The following LRP1B variants were observed in gnomAD, a reference collection of about 807,000 sequenced individuals.
The protein encoded by LRP1B is LDL receptor related protein 1B.
LRP1B carries 217 observed loss-of-function variants against 556.6 expected under a neutral mutation model. That is an observed-to-expected ratio of 0.39 (90% CI 0.35 to 0.44). LRP1B has a LOEUF of 0.44. Among genes scored for constraint, LRP1B ranks in the 20% least tolerant of loss-of-function variants. The probability of loss-of-function intolerance (pLI) is 1.00; values close to 1 mark genes in which losing one functional copy is unlikely to be tolerated. For missense variants in LRP1B, 5,053 were observed against 5,620.8 expected, an observed-to-expected ratio of 0.90 and a Z score of 3.23; for synonymous variants, 2,047 against 1,865.8, an observed-to-expected ratio of 1.10 and a Z score of -2.50.
chr2:142,112,384 C>A (rs1218618109), intron 1 of LRP1B, among the ~76,000 whole-genome samples: 2 of 151,554 alleles, frequency 1.3e-5, no homozygotes, highest in Admixed American at 6.6e-5. Flanking sequence ...AAAAGAACAA[C>A]CAAATATAAT....
chr2:141,817,365 G>A (rs1352572372), intron 1 of LRP1B, among the ~76,000 whole-genome samples: 1 of 151,992 alleles, frequency 6.6e-6, no homozygotes, highest in Non-Finnish European at 1.5e-5. Flanking sequence ...CAAAAAACAT[G>A]AAAAGATTAG....
At chr2:141,258,771 C>T (rs1428027394) in intron 3 of LRP1B, among the ~76,000 whole-genome samples, 3 of 151,862 alleles carry the variant, frequency 2.0e-5, no homozygotes, top group Non-Finnish European at 4.4e-5. Flanking sequence ...GTAGAACTTG[C>T]CCCTTCACTC....
At chr2:141,674,407 T>G (rs1033632272) in intron 2 of LRP1B, among the ~76,000 whole-genome samples, 2 of 152,096 alleles carry the variant, frequency 1.3e-5, no homozygotes, top group African/African-American at 4.8e-5. Context: ...CCATCTCTTG[T>G]CTTCTTAAGA....
chr2:141,084,063 G>A (rs532367293), intron 7 of LRP1B, among the ~76,000 whole-genome samples: 69 of 152,024 alleles, frequency 4.5e-4, no homozygotes, highest in Non-Finnish European at 8.2e-4. Flanking sequence ...ACTTTTATAC[G>A]GTTGGTGTGA....
intron 2 of LRP1B, among the ~76,000 whole-genome samples, chr2:141,698,502 A>AAAT (rs1558812042): frequency 5.3e-5 from 8 of 151,462 alleles, no homozygotes; most frequent in Non-Finnish European, 8.8e-5. Flanking sequence ...TTAAAAAAAA[A>AAAT]AAAAAAGAGT....
At chr2:140,512,332 A>C (rs748538714) in intron 51 of LRP1B, among the ~76,000 whole-genome samples, 5 of 152,160 alleles carry the variant, frequency 3.3e-5, no homozygotes, top group Non-Finnish European at 4.4e-5. Context: ...CATCATAGTC[A>C]ATTGGGAAGA....
chr2:141,751,562 C>A (rs1407216403), intron 2 of LRP1B, among the ~76,000 whole-genome samples: 2 of 151,996 alleles, frequency 1.3e-5, no homozygotes, highest in African/African-American at 4.8e-5. Flanking sequence ...AACTAGTAAG[C>A]AGAGCAAACT....
At chr2:142,116,983 T>G (rs1294548663) in intron 1 of LRP1B, among the ~76,000 whole-genome samples, 1 of 152,300 alleles carries the variant, frequency 6.6e-6, no homozygotes, top group Non-Finnish European at 1.5e-5. Flanking sequence ...CCCTTTGCTG[T>G]GTTTTTCTTC....
intron 6 of LRP1B, among the ~76,000 whole-genome samples, chr2:141,201,709 C>G (rs991048422): frequency 1.3e-5 from 2 of 152,096 alleles, no homozygotes; most frequent in African/African-American, 4.8e-5. Flanking sequence ...GAATCTAAAT[C>G]ACAACAAATA....
chr2:140,770,261 A>G (rs1442108804), intron 34 of LRP1B, among the ~76,000 whole-genome samples: 2 of 151,918 alleles, frequency 1.3e-5, no homozygotes, highest in East Asian at 3.8e-4. Context: ...GATTTAAAAT[A>G]AAATAAATGA....
chr2:141,309,055 C>T (rs974955290), intron 3 of LRP1B, among the ~76,000 whole-genome samples: 2 of 152,148 alleles, frequency 1.3e-5, no homozygotes, highest in Non-Finnish European at 2.9e-5. Context: ...TTTTGTAGCA[C>T]ATTGAATTTT....
In LRP1B at chr2:140,563,117, CAA is replaced by C. The variant is rs1350435119; in HGVS notation, c.7195-21148_7195-21147del. Among the ~76,000 whole-genome samples, 8 of 152,036 alleles carry C rather than the reference CAA, an allele frequency of 5.3e-5. No homozygotes were observed. In the East Asian group the frequency reaches 1.4e-3, roughly 26 times the overall value. On this transcript the variant is annotated intron_variant, in intron 43 of 90. Transcript: ENST00000389484. ...AAGTTACAGAACCAAGCATAGAACTCAAAGTTTCCCATATCTAATCCATGAAT... is the reference window on the plus strand; with the variant it reads ...AAGTTACAGAACCAAGCATAGAACTCAGTTTCCCATATCTAATCCATGAAT...
intron 66 of LRP1B, among the ~76,000 whole-genome samples, chr2:140,402,751 G>A (rs1463112283): frequency 6.6e-6 from 1 of 152,142 alleles, no homozygotes; most frequent in African/African-American, 2.4e-5. Context: ...ACAACATTGG[G>A]TATTGCATTT....
chr2:140,323,464 C>T (rs1023865569), intron 81 of LRP1B, among the ~76,000 whole-genome samples: 13 of 151,836 alleles, frequency 8.6e-5, no homozygotes, highest in Admixed American at 1.3e-4. Flanking sequence ...TTAGATAGTT[C>T]GTCTATGCAC....
intron 7 of LRP1B, among the ~76,000 whole-genome samples, chr2:141,109,165 T>C (rs1347165594): frequency 6.6e-6 from 1 of 152,140 alleles, no homozygotes; most frequent in Non-Finnish European, 1.5e-5. Context: ...TTTTCCACAC[T>C]TCTGTGACTG....
chr2:141,547,028 A>T (rs986628667), intron 2 of LRP1B, among the ~76,000 whole-genome samples: 5 of 152,158 alleles, frequency 3.3e-5, no homozygotes, highest in African/African-American at 1.2e-4. Flanking sequence ...GGAAACCTTC[A>T]GTTTTAACAT....
In LRP1B at chr2:141,097,966, T is replaced by C. The variant is rs143261459; in HGVS notation, c.1014-35693A>G. Among the ~76,000 whole-genome samples, 120 of 152,338 alleles carry C rather than the reference T, an allele frequency of 7.9e-4. 2 individuals carry two copies. The East Asian group carries it at 0.021, about 26-fold the overall frequency. ...TAAATATTTTTATTTTAAAAATCTA[T>C]GGTGAACAATGGTAATAATTCACTT... On this transcript the variant is annotated intron_variant, in intron 7 of 90. Coordinates refer to ENST00000389484, the MANE Select transcript of LRP1B (RefSeq NM_018557.3).
intron 7 of LRP1B, among the ~76,000 whole-genome samples, chr2:141,094,136 A>G (rs899473622): frequency 2.0e-5 from 3 of 152,198 alleles, no homozygotes; most frequent in African/African-American, 7.2e-5. Flanking sequence ...AGAAGGCAAT[A>G]AGGTGCATTA....
At chr2:141,283,828 GAA>G (rs77543232) in intron 3 of LRP1B, among the ~76,000 whole-genome samples, 2 of 132,852 alleles carry the variant, frequency 1.5e-5, no homozygotes, top group African/African-American at 2.7e-5. Context: ...CACTTTAAAA[GAA>G]AAAAAAAAAG....
Sources: allele counts gnomAD v4.1 joint callset (sites outside exome capture counted in the v4.1 genomes callset), GRCh38; gene constraint gnomAD v4.1.1; transcripts MANE v1.5; gene names NCBI Gene and HGNC (gene_info 2026-07-23, HGNC 2026-07-21).